The following DPP10 variants were observed in gnomAD, a reference collection of about 807,000 sequenced individuals.
The protein encoded by DPP10 is dipeptidyl peptidase like 10, also known as inactive dipeptidyl peptidase 10.
A neutral mutation model predicts 120.9 loss-of-function variants in DPP10; 33 were observed. That is an observed-to-expected ratio of 0.27 (90% CI 0.21 to 0.37). The LOEUF (loss-of-function observed/expected upper bound fraction) is 0.37. Among genes scored for constraint, DPP10 ranks in the 10% least tolerant of loss-of-function variants. The pLI is 1.00. For missense variants in DPP10, 816 were observed against 942.8 expected (o/e 0.87, Z 1.76); for synonymous variants, 337 against 326.1 (o/e 1.03, Z -0.36).
intron 1 of DPP10, among the ~76,000 whole-genome samples, chr2:114,738,902 G>A (rs1677736696): frequency 6.6e-6 from 1 of 152,140 alleles, no homozygotes; most frequent in African/African-American, 2.4e-5. Flanking sequence ...TGTGGGGAGA[G>A]CTTAGGGTGC....
intron 13 of DPP10, among the ~76,000 whole-genome samples, chr2:115,775,164 A>G (rs887707071): frequency 6.6e-6 from 1 of 152,040 alleles, no homozygotes; most frequent in African/African-American, 2.4e-5. Flanking sequence ...GAAATTATGT[A>G]TATATCCAAT....
At chr2:114,914,054 C>T (rs572205122) in intron 1 of DPP10, among the ~76,000 whole-genome samples, 64 of 152,138 alleles carry the variant, frequency 4.2e-4, no homozygotes, top group Middle Eastern at 3.4e-3. Context: ...TGAACAAAAC[C>T]TCTGGGAAAT....
At chr2:114,915,358 A>G (rs957233980) in intron 1 of DPP10, among the ~76,000 whole-genome samples, 1 of 152,202 alleles carries the variant, frequency 6.6e-6, no homozygotes, top group Non-Finnish European at 1.5e-5. Flanking sequence ...TCAGATTTAT[A>G]AAACAAGTTC....
At chr2:115,449,803 G>T (rs2072949810) in intron 3 of DPP10, among the ~76,000 whole-genome samples, 1 of 152,092 alleles carries the variant, frequency 6.6e-6, no homozygotes, top group African/African-American at 2.4e-5. Context: ...AATTGAGTTT[G>T]TGCCATAAAT....
intron 1 of DPP10, among the ~76,000 whole-genome samples, chr2:115,053,086 C>T (rs551746103): frequency 2.0e-5 from 3 of 152,030 alleles, no homozygotes; most frequent in South Asian, 2.1e-4. Flanking sequence ...AAAACCTAAA[C>T]GTAAAGTTAT....
chr2:115,520,599 A>G (rs1215609111), intron 4 of DPP10, among the ~76,000 whole-genome samples: 1 of 152,060 alleles, frequency 6.6e-6, no homozygotes, highest in Admixed American at 6.6e-5. Flanking sequence ...ACACATCCCT[A>G]CTACACAGTT....
chr2:114,620,592 ACT>A (rs999048220), intron 1 of DPP10, among the ~76,000 whole-genome samples: 3 of 151,746 alleles, frequency 2.0e-5, no homozygotes, highest in African/African-American at 4.8e-5. Flanking sequence ...TTAGCTAGAA[ACT>A]CTCTTTTCAA....
intron 3 of DPP10, among the ~76,000 whole-genome samples, chr2:115,396,718 C>G (rs139478215): frequency 9.5e-4 from 144 of 152,276 alleles, no homozygotes; most frequent in African/African-American, 3.2e-3. Context: ...TAAAAGGTTG[C>G]TGCTTCCACA....
At chr2:115,686,490 A>C (rs2090996100) in intron 5 of DPP10, among the ~76,000 whole-genome samples, 1 of 152,116 alleles carries the variant, frequency 6.6e-6, no homozygotes, top group South Asian at 2.1e-4. Flanking sequence ...ATGATTCAGT[A>C]GTTGCTAATT....
intron 1 of DPP10, among the ~76,000 whole-genome samples, chr2:115,225,365 G>A (rs2057380664): frequency 6.6e-6 from 1 of 152,108 alleles, no homozygotes; most frequent in African/African-American, 2.4e-5. Context: ...TCTCAGGTCT[G>A]TGTGGAGGAT....
chr2:115,055,785 C>T (rs188450868), intron 1 of DPP10, among the ~76,000 whole-genome samples: 14 of 152,164 alleles, frequency 9.2e-5, no homozygotes, highest in Admixed American at 7.9e-4. Flanking sequence ...GAAGGATTTG[C>T]TCACAATTTT....
At chr2:114,516,934 G>C (rs940629150) in intron 1 of DPP10, among the ~76,000 whole-genome samples, 1 of 152,066 alleles carries the variant, frequency 6.6e-6, no homozygotes, top group Non-Finnish European at 1.5e-5. Context: ...TGCTAATGGG[G>C]AAAAAACAAC....
At chr2:115,753,325 C>T in intron 11 of DPP10, 28 bp downstream of exon 11, 2 of 1,570,992 alleles carry the variant, frequency 1.3e-6, no homozygotes, top group Non-Finnish European at 1.7e-6. Flanking sequence ...TTCTTTTATG[C>T]CTAAAATGAA....
rs112651728 is a variant in DPP10 at position 115,353,201 on chromosome 2, A to T, written c.271+9289A>T. Among the ~76,000 whole-genome samples the T allele has an allele frequency of 7.8e-3, 1,194 of 152,196 alleles. 7 individuals carry two copies. The highest frequency in any genetic ancestry group is 0.013 in the Non-Finnish European group (855 of 67,984). On this transcript the variant is annotated intron_variant, in intron 3 of 25. Coordinates refer to ENST00000410059, the MANE Select transcript of DPP10 (RefSeq NM_020868.6). ...GAGTCGTCTTTATGGAAAAGATAAA[A>T]TTCAGTCGCAGTCTAGAGGGCAGAT...
chr2:114,564,678 G>T (rs1689064448), intron 1 of DPP10, among the ~76,000 whole-genome samples: 1 of 151,870 alleles, frequency 6.6e-6, no homozygotes, highest in South Asian at 2.1e-4. Context: ...GAAAATAGAG[G>T]AGAAAAGGAA....
chr2:114,451,164 A>G (rs1422621663), intron 1 of DPP10, among the ~76,000 whole-genome samples: 1 of 151,906 alleles, frequency 6.6e-6, no homozygotes, highest in Non-Finnish European at 1.5e-5. Flanking sequence ...TTGATCAAGG[A>G]TGGACAGCTA....
intron 1 of DPP10, among the ~76,000 whole-genome samples, chr2:114,455,729 G>GTT (rs35479026): frequency 0.028 from 3,985 of 144,590 alleles, 80 homozygotes; most frequent in South Asian, 0.066. Context: ...AAATTCATTT[G>GTT]TTTTTTTTTT....
intron 1 of DPP10, among the ~76,000 whole-genome samples, chr2:114,829,592 G>T (rs1329875128): frequency 6.6e-6 from 1 of 150,604 alleles, no homozygotes; most frequent in Non-Finnish European, 1.5e-5. Context: ...GGCCAGGCTG[G>T]TCTCGAATGC....
chr2:115,383,470 C>G (rs1198458519), intron 3 of DPP10, among the ~76,000 whole-genome samples: 1 of 152,198 alleles, frequency 6.6e-6, no homozygotes. Context: ...ATGCCTTTAT[C>G]AGCAGCATGA....
Sources: gnomAD v4.1 joint callset for allele counts (sites outside exome capture counted in the v4.1 genomes callset) on GRCh38, gnomAD v4.1.1 for gene constraint, MANE v1.5 for transcripts, NCBI Gene and HGNC (gene_info 2026-07-23, HGNC 2026-07-21) for gene names.